The following NCSTN variants were observed in gnomAD, a reference collection of about 807,000 sequenced individuals.
The protein encoded by NCSTN is anterior pharynx-defective 2.
NCSTN carries 22 observed loss-of-function variants against 87.0 expected under a neutral mutation model. That is an observed-to-expected ratio of 0.25 (90% CI 0.18 to 0.36). The LOEUF (loss-of-function observed/expected upper bound fraction) is 0.36, where lower values mean the gene tolerates loss of function less well. Among genes scored for constraint, NCSTN ranks in the 10% least tolerant of loss-of-function variants. The probability of loss-of-function intolerance (pLI) is 1.00; values close to 1 mark genes in which losing one functional copy is unlikely to be tolerated. For synonymous variants in NCSTN, 306 were observed against 327.1 expected, an observed-to-expected ratio of 0.94 and a Z score of 0.69; for missense variants, 693 against 883.3, an observed-to-expected ratio of 0.78 and a Z score of 2.73.
intron 13 of NCSTN, 53 bp from the exon 14 acceptor site, chr1:160,356,207 C>T: frequency 1.4e-6 from 2 of 1,461,862 alleles, no homozygotes; most frequent in Non-Finnish European, 1.9e-6. Flanking sequence ...TAATTCTTTC[C>T]CTGGGCTCCC....
rs1220517425 is a variant in NCSTN, at chr1:160,354,177, C to T, written c.1239C>T (p.Leu413=). Residue 413 remains leucine (L), a synonymous_variant, in exon 11 of 17, where the codon CTC becomes CTT. Transcript: ENST00000294785. ...GTGCTGGTGTCCCTGCTGTCATCCT[C>T]AGGAGGCCAAATCAGTCCCAGCCTC... is the stretch of plus-strand genomic sequence containing the variant. ...KSGAGVPAVI[L]RRPNQSQPLP... The T allele has an allele frequency of 4.3e-6, 7 of 1,614,182 alleles. No individual in the cohort carries two copies. The highest frequency in any genetic ancestry group is 2.2e-5 in the East Asian group (1 of 44,882).
intron 1 of NCSTN, 168 bp from the exon 2 acceptor site, chr1:160,344,554 C>T (rs1648340350): frequency 6.4e-7 from 1 of 1,550,688 alleles, no homozygotes; most frequent in Non-Finnish European, 8.7e-7. Context: ...GAACATGTAT[C>T]TGTTACGATA....
chr1:160,343,585 C>G, intron 1 of NCSTN, 104 bp downstream of exon 1: 1 of 1,052,244 alleles, frequency 9.5e-7, no homozygotes, highest in South Asian at 1.3e-5. Context: ...GCCCCTCTGT[C>G]CCCCCACCCT....
chr1:160,352,218 T>C lies in NCSTN; in HGVS notation c.996+12T>C. ...TCTTCTTTCAAGGGGTAAGGGCTCT[T>C]TGGCTGGGGTGCAATGGCAGGGAAG... On this transcript the variant is annotated intron_variant, in intron 8 of 16. Coordinates refer to ENST00000294785, the MANE Select transcript of NCSTN (RefSeq NM_015331.3). The C allele has an allele frequency of 6.2e-7, 1 of 1,613,956 alleles. No individual in the cohort carries two copies. Among genetic ancestry groups the C allele is most frequent in the Non-Finnish European group, 8.5e-7 (1 of 1,179,874 alleles).
At chr1:160,344,995 A>AT (rs769143980) in intron 2 of NCSTN, 169 bp downstream of exon 2, 21 of 694,780 alleles carry the variant, frequency 3.0e-5, no homozygotes, top group Non-Finnish European at 5.2e-5. Context: ...AAGAACTAAC[A>AT]TTTAGTAAAT....
At chr1:160,357,347 C>T in intron 16 of NCSTN, 94 bp downstream of exon 16, 1 of 1,299,222 alleles carries the variant, frequency 7.7e-7, no homozygotes, top group Non-Finnish European at 1.1e-6. Flanking sequence ...CCCATTTGCC[C>T]CACATTTGTA....
chr1:160,344,844 C>A lies in NCSTN; in HGVS notation c.190+18C>A, dbSNP rs754602426. ...CTGCCAGTGTGAGTTGAGATGGATT[C>A]ATGTTTGTGGACATTGATATTTGTC... On this transcript the variant is annotated intron_variant, in intron 2 of 16. Coordinates refer to ENST00000294785, the MANE Select transcript of NCSTN (RefSeq NM_015331.3). The A allele has an allele frequency of 1.2e-5, 19 of 1,590,346 alleles. No homozygotes were observed. The highest frequency in any genetic ancestry group is 2.2e-5 in the South Asian group (2 of 90,460).
Position 160,358,277 on chromosome 1 carries a change from A to T in NCSTN, c.*6A>T. The T allele has an allele frequency of 6.2e-7, 1 of 1,613,856 alleles. No homozygotes were observed. The highest frequency in any genetic ancestry group is 1.3e-5 in the African/African-American group (1 of 74,932). On this transcript the variant is annotated 3_prime_UTR_variant, in exon 17 of 17. Coordinates refer to ENST00000294785, the MANE Select transcript of NCSTN (RefSeq NM_015331.3). ...CAGGAGCTGTGTCATACTGAGGAGGACCCCAGCTTTTCTTGCCAGCTCAGC... is the reference window on the plus strand; with the variant it reads ...CAGGAGCTGTGTCATACTGAGGAGGTCCCCAGCTTTTCTTGCCAGCTCAGC...
chr1:160,348,063 A>G (rs1272516186), intron 2 of NCSTN, among the ~76,000 whole-genome samples: 1 of 152,272 alleles, frequency 6.6e-6, no homozygotes, highest in African/African-American at 2.4e-5. Context: ...ATATACAGCC[A>G]GGGCTGAGAA....
chr1:160,346,796 G>C (rs993593765), intron 2 of NCSTN, among the ~76,000 whole-genome samples: 3 of 151,960 alleles, frequency 2.0e-5, no homozygotes, highest in Non-Finnish European at 4.4e-5. Context: ...TAGTAGAGGC[G>C]GGGCTTCACC....
intron 1 of NCSTN, chr1:160,344,402 A>G: frequency 7.4e-7 from 1 of 1,345,170 alleles, no homozygotes; most frequent in Non-Finnish European, 9.9e-7. Context: ...CAGAAGTGTG[A>G]TCACCTGTGC....
chr1:160,346,237 C>A (rs1415526057), intron 2 of NCSTN, among the ~76,000 whole-genome samples: 1 of 152,200 alleles, frequency 6.6e-6, no homozygotes, highest in Non-Finnish European at 1.5e-5. Context: ...AACTTGGGGT[C>A]TGATACTGGC....
chr1:160,352,264 G>A, intron 8 of NCSTN, 58 bp downstream of exon 8: 2 of 1,607,482 alleles, frequency 1.2e-6, no homozygotes, highest in Admixed American at 3.3e-5. Flanking sequence ...GTAAAGATGA[G>A]AGTGGCTACT....
In NCSTN at chr1:160,358,907, A is replaced by G. The variant is rs200162956; in HGVS notation, c.*636A>G. The G allele has an allele frequency of 6.5e-6, 1 of 153,264 alleles. No individual in the cohort carries two copies. The highest frequency in any genetic ancestry group is 1.5e-5 in the Non-Finnish European group (1 of 68,814). 9.5% of individuals were successfully genotyped at this position (153,264 alleles called of 1,614,324 possible). The stretch of plus-strand genomic sequence containing the variant: ...TGTCTTTTTCCTTTATTCTTTTTGT[A>G]AATATATATATAATGAGTTTCATTA... On this transcript the variant is annotated 3_prime_UTR_variant, in exon 17 of 17. Coordinates refer to ENST00000294785, the MANE Select transcript of NCSTN (RefSeq NM_015331.3).
chr1:160,348,351 TG>T (rs1430129454), intron 2 of NCSTN, among the ~76,000 whole-genome samples: 1 of 152,202 alleles, frequency 6.6e-6, no homozygotes, highest in Non-Finnish European at 1.5e-5. Context: ...CAGGGCATCC[TG>T]GGGTAAATGA....
chr1:160,349,340 C>T (rs959352100), intron 3 of NCSTN: 20 of 913,306 alleles, frequency 2.2e-5, no homozygotes, highest in Non-Finnish European at 3.3e-5. Flanking sequence ...CTGGGCATCC[C>T]TCCCCTCCCT....
Position 160,344,738 on chromosome 1 carries a change from C to G in NCSTN, c.102C>G (p.Asn34Lys), listed in dbSNP as rs758241361. Reference sequence around the variant, plus strand: ...TCCGATCAGGTTTGTGCAGGGGAAACTCAGTGGAGAGGAAGATATATATCC... The same window carrying G: ...TCCGATCAGGTTTGTGCAGGGGAAAGTCAGTGGAGAGGAAGATATATATCC... Reference protein sequence around the residue: ...CVLLAGLCRGNSVERKIYIPL... With the variant: ...CVLLAGLCRGKSVERKIYIPL... Residue 34 changes from asparagine (N) to lysine (K), a missense_variant, in exon 2 of 17, where the codon AAC becomes AAG. By Grantham distance (94) the Asn-to-Lys change is moderately conservative. Around this residue, in one of 4 missense-constraint regions of NCSTN, gnomAD observed 235 missense variants for 233.9 expected, o/e 1.00. Coordinates refer to ENST00000294785, the MANE Select transcript of NCSTN (RefSeq NM_015331.3). 4.3e-6 allele frequency: 7 copies of G among 1,614,080 alleles called. No individual in the cohort carries two copies. In the Admixed American group the frequency reaches 1.2e-4, roughly 27 times the overall value.
Position 160,356,743 on chromosome 1 carries a change from G to A in NCSTN, c.1783G>A (p.Glu595Lys), listed in dbSNP as rs774531980. Residue 595 changes from glutamate (E) to lysine (K), a missense_variant, in exon 15 of 17, where the codon GAA becomes AAA. Glu to Lys is a moderately conservative substitution (Grantham distance 56). This residue lies in a region of NCSTN where 216 missense variants were observed against 311.7 expected (regional missense o/e 0.69). Transcript: ENST00000294785. ...CCAGGATCCAAGTAAAGTCCCAAGT[G>A]AAAACAAGGATGTGAGTGGTGGTGG... ...QCQDPSKVPS[E>K]NKDLYEYSWV... The A allele has an allele frequency of 1.9e-6, 3 of 1,614,244 alleles. No individual in the cohort carries two copies. Among genetic ancestry groups the A allele is most frequent in the Middle Eastern group, 1.6e-4 (1 of 6,062 alleles).
At chr1:160,353,094 T>C in intron 9 of NCSTN, 66 bp from the exon 10 acceptor site, 2 of 1,588,756 alleles carry the variant, frequency 1.3e-6, no homozygotes. Context: ...CCTTGACTTC[T>C]ATCCCCTAGG....
Sources: allele counts gnomAD v4.1 joint callset (sites outside exome capture counted in the v4.1 genomes callset), GRCh38; gene constraint gnomAD v4.1.1; regional missense constraint gnomAD v4.1.1; transcripts MANE v1.5; gene names NCBI Gene and HGNC (gene_info 2026-07-23, HGNC 2026-07-21).